The following XYLT1 variants were observed in gnomAD, a reference collection of about 807,000 sequenced individuals.
The protein encoded by XYLT1 is xylosyltransferase 1, also known as beta-D-xylosyltransferase 1.
A neutral mutation model predicts 91.3 loss-of-function variants in XYLT1; 36 were observed. The observed-to-expected ratio is 0.39, with a 90% confidence interval of 0.30 to 0.52. The LOEUF (loss-of-function observed/expected upper bound fraction) is 0.52. XYLT1 is among the 20% of genes least tolerant of loss of function. XYLT1 has a pLI of 0.68. For missense variants in XYLT1, 1,242 were observed against 1,284.5 expected (o/e 0.97, Z 0.51); for synonymous variants, 588 against 532.0 (o/e 1.11, Z -1.45).
intron 5 of XYLT1, among the ~76,000 whole-genome samples, chr16:17,169,250 C>T (rs559513491): frequency 6.6e-6 from 1 of 152,180 alleles, no homozygotes; most frequent in Non-Finnish European, 1.5e-5. Context: ...ATGCTGGGGA[C>T]ACCAGGGGGA....
chr16:17,321,356 T>C lies in XYLT1; in HGVS notation c.402+36656A>G, dbSNP rs1395378788. On this transcript the variant is annotated intron_variant, in intron 2 of 11. Transcript: ENST00000261381. ...TACTAACTAGCCTTTTTTTTTTTTTTTTTTTTTTTTTTTTTTTTTTTGAGG... is the reference window on the plus strand; with the variant it reads ...TACTAACTAGCCTTTTTTTTTTTTTCTTTTTTTTTTTTTTTTTTTTTGAGG... 1.6e-3 allele frequency among the ~76,000 whole-genome samples: 176 copies of C among 112,100 alleles called. 2 individuals carry two copies. The highest frequency in any genetic ancestry group is 6.8e-3 in the African/African-American group (167 of 24,624). 73.5% of individuals were successfully genotyped at this position (112,100 alleles called of 152,430 possible). A position where few individuals can be genotyped will look rare whatever the true frequency, so the allele number is the denominator to read the frequency against.
At chr16:17,346,997 C>T (rs372751494) in intron 2 of XYLT1, among the ~76,000 whole-genome samples, 8 of 152,188 alleles carry the variant, frequency 5.3e-5, no homozygotes, top group African/African-American at 7.2e-5. Flanking sequence ...TTGAAGGCAG[C>T]GGGGAAGATC....
intron 2 of XYLT1, among the ~76,000 whole-genome samples, chr16:17,330,464 G>C (rs2034877830): frequency 6.6e-6 from 1 of 152,040 alleles, no homozygotes; most frequent in African/African-American, 2.4e-5. Context: ...GGTCCCATAA[G>C]GTGACCCAGG....
chr16:17,223,619 T>C lies in XYLT1; in HGVS notation c.914-22965A>G, dbSNP rs6498670. ...CTTGGATGCTGTGTGTTGAAGATAG[T>C]GGAGATAGTGGAGTCAGATGGAAAG... is the stretch of plus-strand genomic sequence containing the variant. On this transcript the variant is annotated intron_variant, in intron 3 of 11. Transcript: ENST00000261381. Among the ~76,000 whole-genome samples the C allele has an allele frequency of 1.9e-3, 292 of 152,262 alleles. 1 individual carries two copies. Among genetic ancestry groups the C allele is most frequent in the African/African-American group, 6.5e-3 (269 of 41,558 alleles).
At chr16:17,183,234 A>C (rs562297038) in intron 5 of XYLT1, among the ~76,000 whole-genome samples, 158 of 152,308 alleles carry the variant, frequency 1.0e-3, no homozygotes, top group Non-Finnish European at 1.9e-3. Context: ...CTAAAGCAGA[A>C]AGTGGGGGCA....
chr16:17,400,629 G>GAGGAAGGAAGGAAGGAAGGAAGGA (rs139881259), intron 1 of XYLT1, among the ~76,000 whole-genome samples: 2 of 132,740 alleles, frequency 1.5e-5, no homozygotes, highest in Admixed American at 8.1e-5. Flanking sequence ...GGGAGGAAGG[G>GAGGAAGGAAGGAAGGAAGGAAGGA]AGGAAGGAAG....
At chr16:17,176,834 CTTTT>C (rs67345327) in intron 5 of XYLT1, among the ~76,000 whole-genome samples, 200 of 147,410 alleles carry the variant, frequency 1.4e-3, no homozygotes, top group African/African-American at 4.0e-3. Context: ...CAGTCCTCTA[CTTTT>C]TTTTTTTTTT....
At position 17,312,253 on chromosome 16, in the gene XYLT1, AG is replaced by A. The variant is rs2034562798; in HGVS notation, c.402+45758del. Among the ~76,000 whole-genome samples the A allele has an allele frequency of 6.6e-6, 1 of 152,136 alleles. No homozygotes were observed. The highest frequency in any genetic ancestry group is 2.1e-4 in the South Asian group (1 of 4,828). On this transcript the variant is annotated intron_variant, in intron 2 of 11. Coordinates refer to ENST00000261381, the MANE Select transcript of XYLT1 (RefSeq NM_022166.4). The surrounding 1 kb of genome is among the most constrained non-coding windows in gnomAD (Gnocchi z 4.4). ...GCTGTGCCCAGAGCTCAGGCCAGGT[AG>A]GAGGGAGATCCAGGGGAAGGGTAGG...
chr16:17,337,819 C>T (rs540735625), intron 2 of XYLT1, among the ~76,000 whole-genome samples: 111 of 126,690 alleles, frequency 8.8e-4, no homozygotes, highest in African/African-American at 3.2e-3. Context: ...CTTGCTCTGT[C>T]ACCCAGGCTG....
chr16:17,364,413 G>A (rs1210461476), intron 1 of XYLT1, among the ~76,000 whole-genome samples: 7 of 152,128 alleles, frequency 4.6e-5, no homozygotes, highest in Non-Finnish European at 1.0e-4. Context: ...CTGACATCAT[G>A]AGTTGTCGTG....
At chr16:17,298,262 CTGG>C in intron 2 of XYLT1, among the ~76,000 whole-genome samples, 1 of 152,094 alleles carries the variant, frequency 6.6e-6, no homozygotes, top group Admixed American at 6.5e-5. Context: ...AGGGAATGGG[CTGG>C]AGGTATAGTG....
chr16:17,469,832 T>C (rs2036957200), intron 1 of XYLT1, among the ~76,000 whole-genome samples: 1 of 151,872 alleles, frequency 6.6e-6, no homozygotes, highest in Admixed American at 6.6e-5. Flanking sequence ...ACAGAGAAGG[T>C]GAAGACGGAA....
At chr16:17,249,167 G>A (rs974297480) in intron 3 of XYLT1, among the ~76,000 whole-genome samples, 3 of 152,278 alleles carry the variant, frequency 2.0e-5, no homozygotes, top group South Asian at 4.1e-4. Flanking sequence ...GGGGATGCTC[G>A]ATGACTAATT....
At chr16:17,429,326 C>A (rs2036359980) in intron 1 of XYLT1, among the ~76,000 whole-genome samples, 1 of 152,210 alleles carries the variant, frequency 6.6e-6, no homozygotes. Context: ...GCCAAGAAAC[C>A]TGTTGAACTG....
intron 2 of XYLT1, among the ~76,000 whole-genome samples, chr16:17,329,730 T>C (rs1041013273): frequency 2.6e-5 from 4 of 152,226 alleles, no homozygotes; most frequent in East Asian, 1.9e-4. Context: ...CGTGAGTTTG[T>C]AGACATGCCC....
chr16:17,412,327 A>C (rs2036120891), intron 1 of XYLT1, among the ~76,000 whole-genome samples: 1 of 151,758 alleles, frequency 6.6e-6, no homozygotes, highest in Non-Finnish European at 1.5e-5. Context: ...AGAACCTGGC[A>C]CACAGCACCA....
chr16:17,274,873 A>T (rs1196804662), intron 2 of XYLT1, among the ~76,000 whole-genome samples: 1 of 152,100 alleles, frequency 6.6e-6, no homozygotes, highest in Non-Finnish European at 1.5e-5. Flanking sequence ...TATATAGATT[A>T]TCTTTAAAAC....
intron 3 of XYLT1, among the ~76,000 whole-genome samples, chr16:17,205,322 C>T (rs2032623362): frequency 6.6e-6 from 1 of 152,254 alleles, no homozygotes; most frequent in South Asian, 2.1e-4. Flanking sequence ...CAAGGGTCAA[C>T]ATGCTGTTCC....
chr16:17,158,949 G>A lies in XYLT1; in HGVS notation c.1290-40C>T, dbSNP rs1001885534. On this transcript the variant is annotated intron_variant, in intron 5 of 11. Transcript: ENST00000261381. Reference sequence around the variant, plus strand: ...CAAGGGGAGAGTCAGGCCAGACACCGTGGGTACTGTCTTTGTCACAGAAAG... The same window carrying A: ...CAAGGGGAGAGTCAGGCCAGACACCATGGGTACTGTCTTTGTCACAGAAAG... 10 of 1,567,868 alleles carry A rather than the reference G, an allele frequency of 6.4e-6. No homozygotes were observed. The Admixed American group carries it at 6.7e-5, about 10-fold the overall frequency.
Sources: gnomAD v4.1 joint callset for allele counts (sites outside exome capture counted in the v4.1 genomes callset) on GRCh38, gnomAD v4.1.1 for gene constraint, Gnocchi (gnomAD v3.1) non-coding constraint, MANE v1.5 for transcripts, NCBI Gene and HGNC (gene_info 2026-07-23, HGNC 2026-07-21) for gene names.